Variants in HNF4G observed in about 807,000 individuals in gnomAD.
HNF4G encodes the protein hepatocyte nuclear factor 4 gamma, also known as hepatocyte nuclear factor 4-gamma.
In HNF4G, 21 loss-of-function variants were observed where a neutral mutation model predicts 50.9. That is an observed-to-expected ratio of 0.41 (90% CI 0.29 to 0.59). The LOEUF is 0.59. Ranked by LOEUF, HNF4G falls within the 20% of genes least tolerant of loss-of-function variation. The pLI is 0.26. For synonymous variants in HNF4G, 198 were observed against 185.6 expected (o/e 1.07, Z -0.54); for missense variants, 527 against 559.4 (o/e 0.94, Z 0.58).
At chr8:75,545,730 G>C (rs1806758517) in intron 2 of HNF4G, among the ~76,000 whole-genome samples, 1 of 151,888 alleles carries the variant, frequency 6.6e-6, no homozygotes, top group Non-Finnish European at 1.5e-5. Flanking sequence ...TTCACATTAT[G>C]TACAATTTGT....
intron 2 of HNF4G, among the ~76,000 whole-genome samples, chr8:75,501,336 C>T (rs1000603516): frequency 6.6e-6 from 1 of 152,076 alleles, no homozygotes; most frequent in African/African-American, 2.4e-5. Context: ...GTCCCACCTA[C>T]TTGGGAGGCT....
At chr8:75,559,463 G>A (rs1309814307) in intron 8 of HNF4G, among the ~76,000 whole-genome samples, 2 of 151,890 alleles carry the variant, frequency 1.3e-5, no homozygotes, top group African/African-American at 4.8e-5. Context: ...TAGTAGAGAC[G>A]GGGTTTCACC....
intron 2 of HNF4G, among the ~76,000 whole-genome samples, chr8:75,518,744 T>TTC (rs1431005598): frequency 1.3e-5 from 2 of 151,150 alleles, no homozygotes; most frequent in East Asian, 3.9e-4. Context: ...CATGAAATCT[T>TTC]TTTTTTTTCC....
At chr8:75,503,356 CAG>C (rs1380739416) in intron 2 of HNF4G, among the ~76,000 whole-genome samples, 2 of 148,882 alleles carry the variant, frequency 1.3e-5, no homozygotes, top group Non-Finnish European at 3.0e-5. Context: ...TAAAGTAACA[CAG>C]AGATGTCACA....
intron 1 of HNF4G, among the ~76,000 whole-genome samples, chr8:75,443,715 T>A (rs1036715432): frequency 5.3e-5 from 8 of 152,312 alleles, no homozygotes; most frequent in African/African-American, 1.9e-4. Context: ...GGCATGTGAT[T>A]TTTTTCACCT....
chr8:75,444,280 G>A (rs28373814), intron 1 of HNF4G, among the ~76,000 whole-genome samples: 12,594 of 148,784 alleles, frequency 0.085, 1,316 homozygotes, highest in African/African-American at 0.24. Flanking sequence ...TGAAGGAAGC[G>A]CTAAACATGG....
intron 2 of HNF4G, among the ~76,000 whole-genome samples, chr8:75,507,144 G>A (rs1805606133): frequency 6.6e-6 from 1 of 151,942 alleles, no homozygotes; most frequent in Admixed American, 6.6e-5. Flanking sequence ...AACTATAAAT[G>A]GACAGGTAAT....
chr8:75,430,208 C>A (rs1810978262), intron 1 of HNF4G, among the ~76,000 whole-genome samples: 1 of 151,726 alleles, frequency 6.6e-6, no homozygotes, highest in Non-Finnish European at 1.5e-5. Flanking sequence ...GGAGAATTCT[C>A]AGAGTCCATG....
At chr8:75,422,251 C>T (rs1489034446) in intron 1 of HNF4G, among the ~76,000 whole-genome samples, 1 of 152,150 alleles carries the variant, frequency 6.6e-6, no homozygotes, top group African/African-American at 2.4e-5. Flanking sequence ...GAATACTCAA[C>T]CAAAAGCTAG....
intron 2 of HNF4G, among the ~76,000 whole-genome samples, chr8:75,504,608 C>T (rs1813027428): frequency 6.6e-6 from 1 of 152,112 alleles, no homozygotes; most frequent in Admixed American, 6.6e-5. Flanking sequence ...ACAAAAAGCT[C>T]ATTTTCTAGG....
chr8:75,441,261 T>TC (rs1269991583), intron 1 of HNF4G, among the ~76,000 whole-genome samples: 1 of 151,838 alleles, frequency 6.6e-6, no homozygotes, highest in Non-Finnish European at 1.5e-5. Flanking sequence ...TTTTTTTTTT[T>TC]CTGAGACAGA....
At chr8:75,411,725 A>T (rs192036075) in intron 1 of HNF4G, among the ~76,000 whole-genome samples, 17 of 152,334 alleles carry the variant, frequency 1.1e-4, no homozygotes, top group African/African-American at 3.8e-4. Flanking sequence ...TGTATAAGTC[A>T]CAAGGGCAGG....
chr8:75,407,678 G>A (rs934699105), upstream of HNF4G, among the ~76,000 whole-genome samples: 6 of 152,224 alleles, frequency 3.9e-5, no homozygotes, highest in African/African-American at 1.4e-4. Context: ...TGTCGCCATT[G>A]AGCAAAGCTA....
At chr8:75,461,760 T>G (rs980943584) in intron 1 of HNF4G, among the ~76,000 whole-genome samples, 9 of 151,790 alleles carry the variant, frequency 5.9e-5, no homozygotes, top group Non-Finnish European at 1.3e-4. Context: ...ATACTTATCA[T>G]AAAGTTTAAT....
intron 2 of HNF4G, among the ~76,000 whole-genome samples, chr8:75,545,261 G>GTGTGTGTA (rs1323565255): frequency 1.5e-4 from 23 of 151,848 alleles, no homozygotes; most frequent in African/African-American, 5.6e-4. Flanking sequence ...GTGTGTGTGT[G>GTGTGTGTA]TGTGTGTGTG....
At chr8:75,537,118 A>C (rs1485567211), upstream of HNF4G, among the ~76,000 whole-genome samples, 1 of 152,176 alleles carries the variant, frequency 6.6e-6, no homozygotes, top group African/African-American at 2.4e-5. Context: ...TGCACTTATC[A>C]AGAGTCATTT....
chr8:75,530,939 T>C (rs1221665570), intron 2 of HNF4G, among the ~76,000 whole-genome samples: 1 of 151,926 alleles, frequency 6.6e-6, no homozygotes, highest in East Asian at 1.9e-4. Flanking sequence ...ACTACGGGCA[T>C]GCACCACCAC....
At chr8:75,437,382 A>G (rs1396123344) in intron 1 of HNF4G, among the ~76,000 whole-genome samples, 4 of 152,216 alleles carry the variant, frequency 2.6e-5, no homozygotes, top group African/African-American at 9.6e-5. Flanking sequence ...ACTGGCATAC[A>G]CTTTAGGCAA....
chr8:75,444,109 G>C (rs1456691517), intron 1 of HNF4G, among the ~76,000 whole-genome samples: 7 of 152,050 alleles, frequency 4.6e-5, no homozygotes, highest in Admixed American at 2.0e-4. Context: ...CCAGAAGAGA[G>C]TGGGGGCCAA....
Sources: allele counts gnomAD v4.1 joint callset (sites outside exome capture counted in the v4.1 genomes callset), GRCh38; gene constraint gnomAD v4.1.1; transcripts MANE v1.5; gene names NCBI Gene and HGNC (gene_info 2026-07-23, HGNC 2026-07-21).